Variants in RBFOX1 observed in about 807,000 individuals in gnomAD.
RBFOX1 encodes the protein RNA binding fox-1 homolog 1.
RBFOX1 carries 8 observed loss-of-function variants against 57.7 expected under a neutral mutation model. The ratio of observed to expected loss-of-function variants is 0.14; its 90% CI spans 0.08 to 0.25. The LOEUF (loss-of-function observed/expected upper bound fraction) is 0.25. RBFOX1 is among the 10% of genes least tolerant of loss of function. The pLI, the probability that RBFOX1 is intolerant of heterozygous loss-of-function variation, is 1.00. For missense variants in RBFOX1, 611 were observed against 548.5 expected, an observed-to-expected ratio of 1.11 and a Z score of -1.14; for synonymous variants, 326 against 222.4, an observed-to-expected ratio of 1.47 and a Z score of -4.15.
intron 1 of RBFOX1, among the ~76,000 whole-genome samples, chr16:5,430,194 T>C (rs1232645483): frequency 6.6e-6 from 1 of 152,114 alleles, no homozygotes; most frequent in Admixed American, 6.5e-5. Flanking sequence ...GGAAGGTCGA[T>C]GGCAAGCAGA....
chr16:7,678,941 T>A (rs191680414), intron 14 of RBFOX1, among the ~76,000 whole-genome samples: 3 of 152,282 alleles, frequency 2.0e-5, no homozygotes, highest in Non-Finnish European at 2.9e-5. Context: ...ACCAACTAAC[T>A]AATACTGTTG....
At chr16:6,464,372 A>C (rs570269391) in intron 2 of RBFOX1, among the ~76,000 whole-genome samples, 11 of 152,214 alleles carry the variant, frequency 7.2e-5, no homozygotes, top group Non-Finnish European at 1.5e-4. Flanking sequence ...AATTAACTCC[A>C]TAGCAAAAAT....
intron 3 of RBFOX1, among the ~76,000 whole-genome samples, chr16:6,734,581 C>CT (rs71145285): frequency 0.76 from 115,915 of 151,996 alleles, 45,711 homozygotes; most frequent in East Asian, 1. Flanking sequence ...AGACTGTGCT[C>CT]TTAACTACTC....
At chr16:7,406,076 G>A (rs1046019073) in intron 4 of RBFOX1, among the ~76,000 whole-genome samples, 6 of 152,178 alleles carry the variant, frequency 3.9e-5, no homozygotes, top group Non-Finnish European at 8.8e-5. Flanking sequence ...AAGGGAAGGG[G>A]AGAAACCCCA....
At position 6,816,514 on chromosome 16, in the gene RBFOX1, G is replaced by A. The variant is rs565110940; in HGVS notation, c.-16+161864G>A. Reference sequence around the variant, plus strand: ...CTCAGTACTTTGGGAAGCCAAGGCGGACAGATCACAGGATCAGGAGATGAA... The same window carrying A: ...CTCAGTACTTTGGGAAGCCAAGGCGAACAGATCACAGGATCAGGAGATGAA... On this transcript the variant is annotated intron_variant, in intron 3 of 15. Coordinates refer to ENST00000550418, the MANE Select transcript of RBFOX1 (RefSeq NM_018723.4). Among the ~76,000 whole-genome samples the A allele has an allele frequency of 3.3e-5, 5 of 151,424 alleles. No homozygotes were observed. In the East Asian group the frequency reaches 9.8e-4, roughly 30 times the overall value.
rs1015820823 is a variant in RBFOX1 at position 6,621,788 on chromosome 16, C to T, written c.-63-32815C>T. The stretch of plus-strand genomic sequence containing the variant: ...TCACTGCAGCTAGAAGGACATGTGG[C>T]AACCCCAGATAAAGAACATACCATT... On this transcript the variant is annotated intron_variant, in intron 2 of 15. Transcript: ENST00000550418. Among the ~76,000 whole-genome samples, 23 of 152,160 alleles carry T rather than the reference C, an allele frequency of 1.5e-4. 1 individual carries two copies. Among genetic ancestry groups the T allele is most frequent in the Admixed American group, 1.3e-3 (20 of 15,270 alleles).
intron 4 of RBFOX1, among the ~76,000 whole-genome samples, chr16:7,099,527 A>C (rs1457411401): frequency 6.6e-6 from 1 of 152,168 alleles, no homozygotes; most frequent in East Asian, 1.9e-4. Context: ...CAAGTATCTG[A>C]GACAAGTCTC....
chr16:6,975,142 G>A (rs955660684), intron 3 of RBFOX1, among the ~76,000 whole-genome samples: 47 of 152,294 alleles, frequency 3.1e-4, no homozygotes, highest in African/African-American at 1.1e-3. Context: ...ACTCTGTGCA[G>A]ATCCTGGACT....
chr16:6,645,321 G>T (rs1456372630), intron 2 of RBFOX1, among the ~76,000 whole-genome samples: 1 of 152,050 alleles, frequency 6.6e-6, no homozygotes, highest in South Asian at 2.1e-4. Flanking sequence ...CATATCTTTT[G>T]GGGGGCTGCT....
intron 1 of RBFOX1, among the ~76,000 whole-genome samples, chr16:5,393,563 A>C (rs74607916): frequency 6.6e-6 from 1 of 152,158 alleles, no homozygotes; most frequent in Non-Finnish European, 1.5e-5. Flanking sequence ...GTCCTGCTCA[A>C]TGGCTTCTCT....
intron 1 of RBFOX1, among the ~76,000 whole-genome samples, chr16:6,312,671 TC>T (rs2080494609): frequency 7.6e-6 from 1 of 131,630 alleles, no homozygotes; most frequent in Non-Finnish European, 1.6e-5. Flanking sequence ...CTTCCTTCCT[TC>T]CTTCCTTCCT....
chr16:6,874,509 TAAAAAAAAAAAAAAAAAAA>T (rs57494867), intron 3 of RBFOX1, among the ~76,000 whole-genome samples: 2 of 71,084 alleles, frequency 2.8e-5, no homozygotes, highest in African/African-American at 1.3e-4. Flanking sequence ...AGACTCCATC[TAAAAAAAAAAAAAAAAAAA>T]AAAAAAAAAA....
chr16:5,461,112 T>A (rs1246297478), intron 1 of RBFOX1, among the ~76,000 whole-genome samples: 1 of 152,148 alleles, frequency 6.6e-6, no homozygotes, highest in Non-Finnish European at 1.5e-5. Context: ...TTCTATGAGA[T>A]TGCAGACTGG....
chr16:5,765,254 C>G (rs1047614074), intron 3 of RBFOX1, among the ~76,000 whole-genome samples: 8 of 152,228 alleles, frequency 5.3e-5, no homozygotes, highest in African/African-American at 1.9e-4. Flanking sequence ...AAGAACAGGG[C>G]CAAGGATACC....
intron 3 of RBFOX1, among the ~76,000 whole-genome samples, chr16:5,645,797 C>G (rs1171318323): frequency 6.6e-6 from 1 of 152,148 alleles, no homozygotes; most frequent in Non-Finnish European, 1.5e-5. Flanking sequence ...TCTTGAGTAG[C>G]TAGAACTACA....
chr16:5,813,359 C>T (rs1033344700), intron 3 of RBFOX1, among the ~76,000 whole-genome samples: 1 of 152,084 alleles, frequency 6.6e-6, no homozygotes, highest in Non-Finnish European at 1.5e-5. Flanking sequence ...TTTTCGTCAC[C>T]CAAACAGAAA....
chr16:6,633,077 C>CT (rs2098403188), intron 2 of RBFOX1, among the ~76,000 whole-genome samples: 1 of 152,066 alleles, frequency 6.6e-6, no homozygotes, highest in Admixed American at 6.5e-5. Context: ...CTGGGACATG[C>CT]TTTTTTCCAG....
chr16:5,676,891 G>A (rs1686601114), intron 3 of RBFOX1, among the ~76,000 whole-genome samples: 1 of 152,110 alleles, frequency 6.6e-6, no homozygotes, highest in Admixed American at 6.5e-5. Context: ...AACAGTGCCT[G>A]GGCACATAGT....
At chr16:6,359,878 G>A (rs1247416747) in intron 2 of RBFOX1, among the ~76,000 whole-genome samples, 1 of 152,090 alleles carries the variant, frequency 6.6e-6, no homozygotes, top group Non-Finnish European at 1.5e-5. Flanking sequence ...AAATTATAAA[G>A]CTTCATCCAG....
Sources: gnomAD v4.1 joint callset for allele counts (sites outside exome capture counted in the v4.1 genomes callset) on GRCh38, gnomAD v4.1.1 for gene constraint, MANE v1.5 for transcripts, NCBI Gene and HGNC (gene_info 2026-07-23, HGNC 2026-07-21) for gene names.